HDAC9: variants seen among roughly 807,000 people sequenced by gnomAD.
HDAC9 encodes MEF-2 interacting transcription repressor (MITR) protein.
HDAC9 carries 41 observed loss-of-function variants against 139.4 expected under a neutral mutation model. That is an observed-to-expected ratio of 0.29 (90% confidence interval 0.23 to 0.38). HDAC9 has a LOEUF of 0.38. Ranked by LOEUF, HDAC9 falls within the 10% of genes least tolerant of loss-of-function variation. HDAC9 has a pLI of 1.00. For missense variants in HDAC9, 1,147 were observed against 1,297.0 expected, an observed-to-expected ratio of 0.88 and a Z score of 1.78; for synonymous variants, 517 against 476.2, an observed-to-expected ratio of 1.09 and a Z score of -1.12.
intron 2 of HDAC9, among the ~76,000 whole-genome samples, chr7:18,273,948 G>A (rs1249666484): frequency 6.6e-6 from 1 of 152,136 alleles, no homozygotes; most frequent in Non-Finnish European, 1.5e-5. Flanking sequence ...TGTTAGTGAA[G>A]ATACGGAGCA....
chr7:18,845,257 A>G (rs1796833486), intron 21 of HDAC9, among the ~76,000 whole-genome samples: 1 of 152,148 alleles, frequency 6.6e-6, no homozygotes, highest in African/African-American at 2.4e-5. Flanking sequence ...ACAAATTAAT[A>G]TTATTTTGTC....
At chr7:18,303,954 C>G (rs534951205) in intron 1 of HDAC9, among the ~76,000 whole-genome samples, 1 of 152,158 alleles carries the variant, frequency 6.6e-6, no homozygotes, top group African/African-American at 2.4e-5. Context: ...AAGTGTTACA[C>G]AAGAAAGAAA....
At chr7:18,705,470 A>T (rs1275317976) in intron 12 of HDAC9, among the ~76,000 whole-genome samples, 1 of 152,138 alleles carries the variant, frequency 6.6e-6, no homozygotes, top group Non-Finnish European at 1.5e-5. Flanking sequence ...GTTTGCTCAC[A>T]CCTGGTGATC....
At chr7:18,665,880 C>G (rs1448867355) in intron 11 of HDAC9, among the ~76,000 whole-genome samples, 1 of 152,016 alleles carries the variant, frequency 6.6e-6, no homozygotes, top group Non-Finnish European at 1.5e-5. Context: ...CAAAACATGT[C>G]CTTTTGAAAG....
intron 1 of HDAC9, among the ~76,000 whole-genome samples, chr7:18,306,498 A>C (rs1798914422): frequency 6.6e-6 from 1 of 152,312 alleles, no homozygotes; most frequent in African/African-American, 2.4e-5. Flanking sequence ...TGTAGGAAAG[A>C]AAAGATGATA....
chr7:18,198,806 CAG>C lies in HDAC9; in HGVS notation c.25+36459_25+36460del, dbSNP rs1311622880. Among the ~76,000 whole-genome samples, 5 of 152,190 alleles carry C rather than the reference CAG, an allele frequency of 3.3e-5. No individual in the cohort carries two copies. The East Asian group carries it at 9.7e-4, about 29-fold the overall frequency. On this transcript the variant is annotated intron_variant, in intron 2 of 12. Transcript: ENST00000417496. ...TGTATTTGACATAGAAACTGTCAAA[CAG>C]AAATAGATGTCATAAACTTTAATTC...
chr7:18,509,481 A>T, intron 2 of HDAC9: 1 of 976,206 alleles, frequency 1.0e-6, no homozygotes, highest in Non-Finnish European at 1.2e-6. Context: ...CCGAGTGATT[A>T]TCTCATTCAA....
chr7:18,924,137 GAAA>G (rs771219982), intron 22 of HDAC9, among the ~76,000 whole-genome samples: 4 of 138,266 alleles, frequency 2.9e-5, no homozygotes, highest in African/African-American at 7.9e-5. Context: ...AAAAAGGAAG[GAAA>G]AAAAAAAAAC....
At chr7:18,339,642 A>T (rs1562893727) in intron 1 of HDAC9, among the ~76,000 whole-genome samples, 1 of 151,404 alleles carries the variant, frequency 6.6e-6, no homozygotes. Flanking sequence ...TAATTCTTTT[A>T]TCTGTAGATT....
At chr7:18,410,017 C>T (rs918288703) in intron 1 of HDAC9, among the ~76,000 whole-genome samples, 5 of 150,700 alleles carry the variant, frequency 3.3e-5, no homozygotes, top group African/African-American at 1.2e-4. Context: ...TTTTCTTTAC[C>T]CATTTTTTTT....
intron 1 of HDAC9, among the ~76,000 whole-genome samples, chr7:18,422,084 A>G (rs1789672129): frequency 6.6e-6 from 1 of 152,124 alleles, no homozygotes; most frequent in Non-Finnish European, 1.5e-5. Context: ...TATTTTCCAG[A>G]TGATATAAAG....
At chr7:18,483,366 G>A (rs1389142281) in intron 1 of HDAC9, among the ~76,000 whole-genome samples, 4 of 152,188 alleles carry the variant, frequency 2.6e-5, no homozygotes, top group African/African-American at 9.6e-5. Flanking sequence ...AAGTAAAGAT[G>A]AGAGCAAGGT....
At chr7:18,727,880 C>G in intron 13 of HDAC9, 123 bp downstream of exon 13, 1 of 691,158 alleles carries the variant, frequency 1.4e-6, no homozygotes. Context: ...CCAGTGCAAC[C>G]CAAATTTTAC....
intron 8 of HDAC9, among the ~76,000 whole-genome samples, chr7:18,643,990 T>TG (rs1267000070): frequency 5.4e-5 from 8 of 149,204 alleles, no homozygotes; most frequent in African/African-American, 2.1e-4. Context: ...CTCTTAGTAA[T>TG]GGATTAAAAA....
chr7:18,284,572 G>A (rs945311918), intron 2 of HDAC9, among the ~76,000 whole-genome samples: 1 of 152,110 alleles, frequency 6.6e-6, no homozygotes, highest in East Asian at 1.9e-4. Flanking sequence ...TTAGTCTTTG[G>A]TTTTGTGGTC....
At chr7:18,735,279 C>T (rs553604084) in intron 13 of HDAC9, among the ~76,000 whole-genome samples, 1 of 152,142 alleles carries the variant, frequency 6.6e-6, no homozygotes, top group Non-Finnish European at 1.5e-5. Flanking sequence ...GTTGGCATTG[C>T]TTTTGGTGTT....
rs754954610 is a variant in HDAC9, at chr7:18,975,935, T to C, written c.3152T>C (p.Phe1051Ser). 2 of 1,613,612 alleles carry C rather than the reference T, an allele frequency of 1.2e-6. No homozygotes were observed. The highest frequency in any genetic ancestry group is 1.3e-5 in the African/African-American group (1 of 74,906). ...CTAACAGTGGATGTGGAACAGCCCT[T>C]TGCTCAGGAAGACAGCAGGTATGAA... ...ASLTVDVEQP[F>S]AQEDSRTAGE... Residue 1051 changes from phenylalanine (F) to serine (S), a missense_variant, in exon 25 of 26, where the codon TTT becomes TCT. By Grantham distance (155) the Phe-to-Ser change is radical. Around this residue, in one of 7 missense-constraint regions of HDAC9, gnomAD observed 407 missense variants for 521.5 expected, o/e 0.78. Coordinates refer to ENST00000686413, the MANE Select transcript of HDAC9 (RefSeq NM_178425.4).
chr7:18,977,966 AG>A (rs1784657962), intron 25 of HDAC9, among the ~76,000 whole-genome samples: 1 of 151,676 alleles, frequency 6.6e-6, no homozygotes, highest in Admixed American at 6.6e-5. Flanking sequence ...ACACAGAAAG[AG>A]AGAGAGAGAA....
chr7:18,363,666 G>A (rs1489604832), intron 1 of HDAC9, among the ~76,000 whole-genome samples: 1 of 152,066 alleles, frequency 6.6e-6, no homozygotes, highest in Admixed American at 6.6e-5. Flanking sequence ...TTTCTAATTT[G>A]CCCCTCAGAA....
Sources: allele counts gnomAD v4.1 joint callset (sites outside exome capture counted in the v4.1 genomes callset), GRCh38; gene constraint gnomAD v4.1.1; regional missense constraint gnomAD v4.1.1; transcripts MANE v1.5; gene names NCBI Gene and HGNC (gene_info 2026-07-23, HGNC 2026-07-21).